The following ATP4A variants were observed in gnomAD, a reference collection of about 807,000 sequenced individuals.
ATP4A encodes potassium-transporting ATPase alpha chain 1.
In ATP4A, 73 loss-of-function variants were observed where a neutral mutation model predicts 112.1. The ratio of observed to expected loss-of-function variants is 0.65; its 90% CI spans 0.54 to 0.79. The LOEUF (loss-of-function observed/expected upper bound fraction) is 0.79, where lower values mean the gene tolerates loss of function less well. Ranked by LOEUF, ATP4A falls within the 30% of genes least tolerant of loss-of-function variation. The pLI is 0.00. For missense variants in ATP4A, 1,081 were observed against 1,425.9 expected (o/e 0.76, Z 3.90); for synonymous variants, 588 against 588.9 (o/e 1.00, Z 0.02).
Position 35,559,282 on chromosome 19 carries a change from G to C in ATP4A, c.1057-91C>G. ...AAAGAACGGGGAAGGCTTTACCCCA[G>C]CCGCGGGGCTGCGTGTGCAACGTGC... On this transcript the variant is annotated intron_variant, in intron 7 of 21. Coordinates refer to ENST00000262623, the MANE Select transcript of ATP4A (RefSeq NM_000704.3). This position sits in a 1 kb window ranked among gnomAD's most constrained non-coding sequence, Gnocchi z 4.1. 1.4e-6 allele frequency: 2 copies of C among 1,385,016 alleles called. No individual in the cohort carries two copies. The highest frequency in any genetic ancestry group is 2.0e-6 in the Non-Finnish European group (2 of 993,930). The allele number at this position is 1,385,016 out of a possible 1,614,324, so 85.8% of individuals were successfully genotyped here.
In ATP4A at chr19:35,557,405, C is replaced by CA. The variant is rs1267489727; in HGVS notation, c.1693+249dup. Among the ~76,000 whole-genome samples the CA allele has an allele frequency of 6.6e-6, 1 of 152,094 alleles. No individual in the cohort carries two copies. Among genetic ancestry groups the CA allele is most frequent in the Non-Finnish European group, 1.5e-5 (1 of 68,014 alleles). On this transcript the variant is annotated intron_variant, in intron 11 of 21. Transcript: ENST00000262623. The surrounding 1 kb of genome is among the most constrained non-coding windows in gnomAD (Gnocchi z 4.4). ...GGCAGCGAAGTTTAAGGCGTCAGGA[C>CA]AAAAATTGGGAGAGGTTAGAGGTCA...
Position 35,559,677 on chromosome 19 carries a change from G to A in ATP4A, c.1056+128C>T, listed in dbSNP as rs544400691. ...TGCTGAATGAGTGGATGATGGGAAG[G>A]CAGGAGAATGGATGGGAGCTAAGTG... On this transcript the variant is annotated intron_variant, in intron 7 of 21. Transcript: ENST00000262623. The surrounding 1 kb of genome is among the most constrained non-coding windows in gnomAD (Gnocchi z 4.1). The A allele has an allele frequency of 6.3e-5, 88 of 1,392,978 alleles. No individual in the cohort carries two copies. The Middle Eastern group carries it at 1.0e-3, about 16-fold the overall frequency. 86.3% of individuals were successfully genotyped at this position (1,392,978 alleles called of 1,614,324 possible).
In ATP4A at chr19:35,558,344, G is replaced by A. The variant is rs933293676; in HGVS notation, c.1500+18C>T. The A allele has an allele frequency of 6.2e-7, 1 of 1,603,154 alleles. No homozygotes were observed. The highest frequency in any genetic ancestry group is 1.7e-5 in the Admixed American group (1 of 57,980). ...CGAGGTGGGCGGGCCCAGGCCGTGG[G>A]CGGGGCCGGCTGCGCACCTGGAACT... On this transcript the variant is annotated intron_variant, in intron 10 of 21. Coordinates refer to ENST00000262623, the MANE Select transcript of ATP4A (RefSeq NM_000704.3). This position sits in a 1 kb window ranked among gnomAD's most constrained non-coding sequence, Gnocchi z 5.1.
chr19:35,556,516 C>T (rs1339100714), intron 12 of ATP4A, among the ~76,000 whole-genome samples: 1 of 152,198 alleles, frequency 6.6e-6, no homozygotes, highest in Non-Finnish European at 1.5e-5. Context: ...CTTCCATCCC[C>T]CAGCCCCAGT....
chr19:35,550,759 T>C lies in ATP4A; in HGVS notation c.3079+75A>G. On this transcript the variant is annotated intron_variant, in intron 21 of 21. Transcript: ENST00000262623. This position sits in a 1 kb window ranked among gnomAD's most constrained non-coding sequence, Gnocchi z 4.1. Reference sequence around the variant, plus strand: ...GGGTCAAGGGCTTAGAGGCCAAGTGTTGAGGATCAAAGGTGGGTGCAGCTG... The same window carrying C: ...GGGTCAAGGGCTTAGAGGCCAAGTGCTGAGGATCAAAGGTGGGTGCAGCTG... The C allele has an allele frequency of 6.2e-7, 1 of 1,608,526 alleles. No individual in the cohort carries two copies. Among genetic ancestry groups the C allele is most frequent in the Non-Finnish European group, 8.5e-7 (1 of 1,175,156 alleles).
chr19:35,553,293 C>T (rs992237689), intron 17 of ATP4A, 111 bp from the exon 18 acceptor site: 18 of 1,282,300 alleles, frequency 1.4e-5, no homozygotes, highest in Admixed American at 2.5e-5. Flanking sequence ...GTCAAGGACA[C>T]ACAGACAGGG....
In ATP4A at chr19:35,551,718, TG is replaced by T. The variant is rs2071603311; in HGVS notation, c.2752-139del. On this transcript the variant is annotated intron_variant, in intron 18 of 21. Transcript: ENST00000262623. The surrounding 1 kb of genome is among the most constrained non-coding windows in gnomAD (Gnocchi z 5.2). The stretch of plus-strand genomic sequence containing the variant: ...TCTGCCTTGCATCAGAGTGTGGGGG[TG>T]GGGGGAAGGAGAGAGGCAGGGTCTG... The T allele has an allele frequency of 4.7e-6, 5 of 1,065,868 alleles. No homozygotes were observed. The highest frequency in any genetic ancestry group is 1.6e-5 in the African/African-American group (1 of 61,620). The allele number at this position is 1,065,868 out of a possible 1,614,324, so 66.0% of individuals were successfully genotyped here. A position where few individuals can be genotyped will look rare whatever the true frequency, so the allele number is the denominator to read the frequency against.
At position 35,562,440 on chromosome 19, in the gene ATP4A, C is replaced by T. The variant is rs533067520; in HGVS notation, c.415G>A (p.Asp139Asn). 30 of 1,613,504 alleles carry T rather than the reference C, an allele frequency of 1.9e-5. No homozygotes were observed. Among genetic ancestry groups the T allele is most frequent in the South Asian group, 3.3e-5 (3 of 90,924 alleles). The change falls in exon 4 of 22, where the codon GAC (aspartate) becomes AAC (asparagine). Residue 139 changes from aspartate (D) to asparagine (N), a missense_variant. By Grantham distance (23) the Asp-to-Asn change is conservative. Around this residue, in one of 3 missense-constraint regions of ATP4A, gnomAD observed 850 missense variants for 1,068.2 expected, o/e 0.80. Transcript: ENST00000262623. ...QASEGDLTTDDNLYLAIALIA... is the reference protein window; with the variant it reads ...QASEGDLTTDNNLYLAIALIA... Reference sequence around the variant, plus strand: ...GTCCCCACAACATGGCTCACATTGTCGTCGGTGGTGAGGTCCCCCTCACTA... The same window carrying T: ...GTCCCCACAACATGGCTCACATTGTTGTCGGTGGTGAGGTCCCCCTCACTA...
At position 35,555,675 on chromosome 19, in the gene ATP4A, C is replaced by G; in HGVS notation, c.2006+1G>C. ...CCCCGGGGAGGTCTGGGGGGGCTTA[C>G]TTGCGATTAACCTGGTCTACGGGCA... On this transcript the variant is annotated splice_donor_variant, in intron 13 of 21. Coordinates refer to ENST00000262623, the MANE Select transcript of ATP4A (RefSeq NM_000704.3). LOFTEE classifies it high-confidence loss of function. This position sits in a 1 kb window ranked among gnomAD's most constrained non-coding sequence, Gnocchi z 6.6. The G allele has an allele frequency of 6.3e-7, 1 of 1,598,592 alleles. No individual in the cohort carries two copies. Among genetic ancestry groups the G allele is most frequent in the Non-Finnish European group, 8.6e-7 (1 of 1,167,238 alleles).
rs1438411825 is a variant in ATP4A at position 35,555,303 on chromosome 19, A to G, written c.2189T>C (p.Val730Ala). Residue 730 changes from valine to alanine, a missense_variant, in exon 15 of 22, where the codon GTG becomes GCG. By Grantham distance (64) the Val-to-Ala change is moderately conservative. Around this residue, in one of 3 missense-constraint regions of ATP4A, gnomAD observed 850 missense variants for 1,068.2 expected, o/e 0.80. Transcript: ENST00000262623. This position sits in a 1 kb window ranked among gnomAD's most constrained non-coding sequence, Gnocchi z 6.6. The part of the protein sequence containing the change: ...GAIVAVTGDG[V>A]NDSPALKKAD... ...CTTCTTCAGAGCTGGGGAGTCATTC[A>G]CACCATCCCCCGTGACGGCCACAAT... 6.2e-7 allele frequency: 1 copy of G among 1,613,912 alleles called. No individual in the cohort carries two copies. The highest frequency in any genetic ancestry group is 1.3e-5 in the African/African-American group (1 of 74,882).
At chr19:35,561,368 TCTG>T (rs2071669780) in intron 4 of ATP4A, among the ~76,000 whole-genome samples, 1 of 151,908 alleles carries the variant, frequency 6.6e-6, no homozygotes, top group African/African-American at 2.4e-5. Context: ...TTTTCCATAA[TCTG>T]CTGCCACCCT....
rs750826220 is a variant in ATP4A, at chr19:35,562,526, C to T, written c.329G>A (p.Gly110Asp). ...GGCAACCCACATGAGGCACTGCAGG[C>T]CCCCGGCCAGCTGCCTCGCGAACTT... The part of the protein sequence containing the change: ...YVKFARQLAG[G>D]LQCLMWVAAA... The change falls in exon 4 of 22, where the codon GGC becomes GAC. Residue 110 changes from glycine (G) to aspartate (D), a missense_variant. Physicochemically the swap from Gly to Asp is moderately conservative, Grantham distance 94. Coordinates refer to ENST00000262623, the MANE Select transcript of ATP4A (RefSeq NM_000704.3). 1 of 1,613,928 alleles carries T rather than the reference C, an allele frequency of 6.2e-7. No homozygotes were observed. The highest frequency in any genetic ancestry group is 8.5e-7 in the Non-Finnish European group (1 of 1,179,964).
rs536316098 is a variant in ATP4A at position 35,559,584 on chromosome 19, G to A, written c.1056+221C>T. On this transcript the variant is annotated intron_variant, in intron 7 of 21. Transcript: ENST00000262623. This position sits in a 1 kb window ranked among gnomAD's most constrained non-coding sequence, Gnocchi z 4.1. Reference sequence around the variant, plus strand: ...ATCAGCCTCTTCCAGTTAAGGACCCGGCCTCGTCATCTCTGCGCCCTCAAT... The same window carrying A: ...ATCAGCCTCTTCCAGTTAAGGACCCAGCCTCGTCATCTCTGCGCCCTCAAT... 7.9e-5 allele frequency among the ~76,000 whole-genome samples: 12 copies of A among 152,330 alleles called. No homozygotes were observed. The highest frequency in any genetic ancestry group is 7.7e-4 in the East Asian group (4 of 5,190).
chr19:35,551,636 A>T lies in ATP4A; in HGVS notation c.2752-56T>A. On this transcript the variant is annotated intron_variant, in intron 18 of 21. Transcript: ENST00000262623. The surrounding 1 kb of genome is among the most constrained non-coding windows in gnomAD (Gnocchi z 5.2). ...GAGTCCAGCCTGAGTCCCGGCGGAGAGCCTCTGCAGCCCACCGGGCATAGG... is the reference window on the plus strand; with the variant it reads ...GAGTCCAGCCTGAGTCCCGGCGGAGTGCCTCTGCAGCCCACCGGGCATAGG... The T allele has an allele frequency of 6.4e-7, 1 of 1,574,724 alleles. No individual in the cohort carries two copies. Among genetic ancestry groups the T allele is most frequent in the Non-Finnish European group, 8.6e-7 (1 of 1,160,026 alleles).
At position 35,551,033 on chromosome 19, in the gene ATP4A, G is replaced by A; in HGVS notation, c.2964C>T (p.Asn988=). The change falls in exon 20 of 22, where the codon AAC becomes AAT. Residue 988 remains asparagine (N), a synonymous_variant. Transcript: ENST00000262623. This position sits in a 1 kb window ranked among gnomAD's most constrained non-coding sequence, Gnocchi z 5.2. ...CFLCYCPGMP[N]IFNFMPIRFQ... Reference sequence around the variant, plus strand: ...ACCGAATGGGCATGAAGTTGAAGATGTTGGGCATGCCGGGGCAGTAGCACA... The same window carrying A: ...ACCGAATGGGCATGAAGTTGAAGATATTGGGCATGCCGGGGCAGTAGCACA... The A allele has an allele frequency of 1.2e-6, 2 of 1,614,034 alleles. No homozygotes were observed. Among genetic ancestry groups the A allele is most frequent in the East Asian group, 2.2e-5 (1 of 44,884 alleles).
In ATP4A at chr19:35,558,290, CT is replaced by C. The variant is rs2071644756; in HGVS notation, c.1500+71del. The C allele has an allele frequency of 6.5e-7, 1 of 1,526,952 alleles. No individual in the cohort carries two copies. The highest frequency in any genetic ancestry group is 8.8e-7 in the Non-Finnish European group (1 of 1,133,954). 94.6% of individuals were successfully genotyped at this position (1,526,952 alleles called of 1,614,324 possible). A position where few individuals can be genotyped will look rare whatever the true frequency, so the allele number is the denominator to read the frequency against. On this transcript the variant is annotated intron_variant, in intron 10 of 21. Coordinates refer to ENST00000262623, the MANE Select transcript of ATP4A (RefSeq NM_000704.3). This position sits in a 1 kb window ranked among gnomAD's most constrained non-coding sequence, Gnocchi z 5.1. Reference sequence around the variant, plus strand: ...AAGGAGCGAAGCCCCTCGTGGCCCGCTGATGTGGGTGTGGCCTGGGGCGGGG... The same window carrying C: ...AAGGAGCGAAGCCCCTCGTGGCCCGCGATGTGGGTGTGGCCTGGGGCGGGG...
Position 35,555,919 on chromosome 19 carries a change from T to C in ATP4A, c.1870-107A>G. On this transcript the variant is annotated intron_variant, in intron 12 of 21. Transcript: ENST00000262623. This position sits in a 1 kb window ranked among gnomAD's most constrained non-coding sequence, Gnocchi z 6.6. ...ACGTGTTCATTTACTTGACCAAGCGTGACCACCTCCTACGTGCCTGGGATA... is the reference window on the plus strand; with the variant it reads ...ACGTGTTCATTTACTTGACCAAGCGCGACCACCTCCTACGTGCCTGGGATA... The C allele has an allele frequency of 6.9e-7, 1 of 1,456,764 alleles. No homozygotes were observed. The highest frequency in any genetic ancestry group is 9.2e-7 in the Non-Finnish European group (1 of 1,089,198). The allele number at this position is 1,456,764 out of a possible 1,614,324, so 90.2% of individuals were successfully genotyped here.
chr19:35,557,757 A>T lies in ATP4A; in HGVS notation c.1591T>A (p.Ser531Thr). ...AGCTCCTGGCCCTTGATAAGGATGG[A>T]GCTGCAGCGCTCCAGCACGCGCTCG... is the stretch of plus-strand genomic sequence containing the variant. The part of the protein sequence containing the change: ...APERVLERCS[S>T]ILIKGQELPL... Residue 531 changes from serine to threonine, a missense_variant, in exon 11 of 22, where the codon TCC (serine) becomes ACC (threonine). Physicochemically the swap from Ser to Thr is moderately conservative, Grantham distance 58. Coordinates refer to ENST00000262623, the MANE Select transcript of ATP4A (RefSeq NM_000704.3). This position sits in a 1 kb window ranked among gnomAD's most constrained non-coding sequence, Gnocchi z 4.4. 7 of 1,594,624 alleles carry T rather than the reference A, an allele frequency of 4.4e-6. No homozygotes were observed. Among genetic ancestry groups the T allele is most frequent in the Non-Finnish European group, 6.0e-6 (7 of 1,167,460 alleles).
Position 35,562,564 on chromosome 19 carries a change from G to C in ATP4A, c.291C>G (p.Thr97=), listed in dbSNP as rs1180907208. ...GCCTCGCGAACTTGACGTACTCTGG[G>C]GTGCCCCGTGGTGGCCGCAGTGCGT... ...GPNALRPPRG[T]PEYVKFARQL... Residue 97 remains threonine, a synonymous_variant, in exon 4 of 22, where the codon ACC becomes ACG. Transcript: ENST00000262623. The C allele has an allele frequency of 1.9e-6, 3 of 1,612,452 alleles. No individual in the cohort carries two copies. The East Asian group carries it at 6.7e-5, about 36-fold the overall frequency.
Sources: allele counts gnomAD v4.1 joint callset (sites outside exome capture counted in the v4.1 genomes callset), GRCh38; gene constraint gnomAD v4.1.1; regional missense constraint gnomAD v4.1.1; non-coding constraint Gnocchi (gnomAD v3.1); transcripts MANE v1.5; gene names NCBI Gene and HGNC (gene_info 2026-07-23, HGNC 2026-07-21).